Variants in CACNA2D1 observed in about 807,000 individuals in gnomAD.
CACNA2D1 encodes the protein calcium voltage-gated channel auxiliary subunit alpha2delta 1, also known as voltage-dependent calcium channel subunit alpha-2/delta-1.
Under a neutral mutation model 171.5 loss-of-function variants are expected in CACNA2D1, and 53 were observed. The ratio of observed to expected loss-of-function variants is 0.31; its 90% confidence interval spans 0.25 to 0.39. The LOEUF is 0.39. Among genes scored for constraint, CACNA2D1 ranks in the 10% least tolerant of loss-of-function variants. CACNA2D1 has a pLI of 1.00. For synonymous variants in CACNA2D1, 442 were observed against 443.1 expected (o/e 1.00, Z 0.03); for missense variants, 903 against 1,299.8 (o/e 0.69, Z 4.69).
chr7:82,296,047 G>A (rs1176654301), intron 3 of CACNA2D1, among the ~76,000 whole-genome samples: 1 of 151,318 alleles, frequency 6.6e-6, no homozygotes, highest in Non-Finnish European at 1.5e-5. Flanking sequence ...CTCATAGATG[G>A]GAATTGAACA....
chr7:81,973,137 G>C (rs989783519), intron 25 of CACNA2D1, among the ~76,000 whole-genome samples: 1 of 151,936 alleles, frequency 6.6e-6, no homozygotes, highest in Non-Finnish European at 1.5e-5. Flanking sequence ...ACTCATTTTT[G>C]CAAGGAATAT....
At chr7:82,009,956 T>C (rs1014791588) in intron 15 of CACNA2D1, among the ~76,000 whole-genome samples, 1 of 152,040 alleles carries the variant, frequency 6.6e-6, no homozygotes, top group Non-Finnish European at 1.5e-5. Flanking sequence ...TGTCCTAATC[T>C]CCCCTTATTA....
intron 10 of CACNA2D1, among the ~76,000 whole-genome samples, chr7:82,047,812 T>C (rs971622592): frequency 2.6e-5 from 4 of 151,970 alleles, no homozygotes; most frequent in South Asian, 2.1e-4. Context: ...AGAGAAATGA[T>C]AGAAAAAATG....
At chr7:82,239,180 C>T (rs1803958775) in intron 3 of CACNA2D1, among the ~76,000 whole-genome samples, 3 of 151,806 alleles carry the variant, frequency 2.0e-5, no homozygotes, top group Admixed American at 6.6e-5. Context: ...ACTACTATGC[C>T]AAGAAAATAA....
intron 1 of CACNA2D1, among the ~76,000 whole-genome samples, chr7:82,364,946 A>C (rs1821511694): frequency 6.6e-6 from 1 of 152,124 alleles, no homozygotes; most frequent in African/African-American, 2.4e-5. Context: ...AAGCTAGGAA[A>C]CCCAGGGGAA....
chr7:82,004,919 G>A (rs1798973716), intron 18 of CACNA2D1, among the ~76,000 whole-genome samples: 1 of 152,054 alleles, frequency 6.6e-6, no homozygotes, highest in African/African-American at 2.4e-5. Context: ...TCCCATTTCT[G>A]AAGCCCATCA....
chr7:82,323,737 C>T (rs1816286165), intron 3 of CACNA2D1, among the ~76,000 whole-genome samples: 1 of 152,174 alleles, frequency 6.6e-6, no homozygotes, highest in Admixed American at 6.5e-5. Flanking sequence ...CCAACACTCC[C>T]TTTCCCCCAT....
intron 1 of CACNA2D1, among the ~76,000 whole-genome samples, chr7:82,400,624 C>G (rs971855165): frequency 3.2e-4 from 49 of 152,122 alleles, no homozygotes; most frequent in Non-Finnish European, 6.6e-4. Context: ...CTAGGCAATA[C>G]CATTCAGGAC....
chr7:82,418,914 C>A (rs1184655267), intron 1 of CACNA2D1, among the ~76,000 whole-genome samples: 1 of 151,730 alleles, frequency 6.6e-6, no homozygotes, highest in Non-Finnish European at 1.5e-5. Flanking sequence ...GTCAGGAGAT[C>A]GAGATCACGG....
intron 7 of CACNA2D1, among the ~76,000 whole-genome samples, chr7:82,071,724 A>G (rs899871934): frequency 6.6e-6 from 1 of 152,150 alleles, no homozygotes; most frequent in Non-Finnish European, 1.5e-5. Context: ...CCTTCCTTCT[A>G]GTAAGAGTCC....
intron 3 of CACNA2D1, among the ~76,000 whole-genome samples, chr7:82,265,790 A>G (rs1422357351): frequency 1.3e-5 from 2 of 152,114 alleles, no homozygotes; most frequent in Non-Finnish European, 2.9e-5. Context: ...TTGACTTTTC[A>G]ATCATTGCCC....
intron 3 of CACNA2D1, among the ~76,000 whole-genome samples, chr7:82,281,641 T>TA (rs1471262607): frequency 3.3e-5 from 5 of 152,160 alleles, no homozygotes; most frequent in Admixed American, 2.6e-4. Flanking sequence ...ATATTTCTAT[T>TA]AAAAAATAGT....
At chr7:82,033,447 C>T (rs185345158) in intron 11 of CACNA2D1, among the ~76,000 whole-genome samples, 1 of 151,858 alleles carries the variant, frequency 6.6e-6, no homozygotes, top group Non-Finnish European at 1.5e-5. Flanking sequence ...ATAGTATAAA[C>T]AAAAAATAAC....
At chr7:82,171,142 T>C (rs1488924896) in intron 3 of CACNA2D1, among the ~76,000 whole-genome samples, 1 of 152,034 alleles carries the variant, frequency 6.6e-6, no homozygotes, top group Admixed American at 6.6e-5. Context: ...TAATCTTTGA[T>C]AGAGGATTTG....
chr7:82,170,728 T>C (rs1795934315), intron 3 of CACNA2D1, 119 bp from the exon 4 acceptor site: 1 of 869,554 alleles, frequency 1.2e-6, no homozygotes, highest in Admixed American at 1.8e-5. Context: ...ATGATCCTTA[T>C]TTATGATTCA....
chr7:82,443,832 A>G (rs1226553664), upstream of CACNA2D1: 6 of 365,192 alleles, frequency 1.6e-5, no homozygotes, highest in Admixed American at 1.4e-4. Flanking sequence ...GCGAAGGCGG[A>G]GGCGGGGGCG....
intron 1 of CACNA2D1, among the ~76,000 whole-genome samples, chr7:82,375,535 G>A (rs1439941356): frequency 6.6e-6 from 1 of 152,082 alleles, no homozygotes; most frequent in Admixed American, 6.6e-5. Flanking sequence ...CCAGCCCCAT[G>A]GCGCCTCTTT....
chr7:82,145,557 G>A (rs865903385), intron 4 of CACNA2D1, among the ~76,000 whole-genome samples: 23 of 131,168 alleles, frequency 1.8e-4, no homozygotes, highest in Middle Eastern at 6.1e-3. Context: ...ATATATGTGC[G>A]TATATATAAA....
intron 10 of CACNA2D1, among the ~76,000 whole-genome samples, chr7:82,041,404 G>C (rs1025245438): frequency 1.3e-5 from 2 of 152,094 alleles, no homozygotes; most frequent in African/African-American, 4.8e-5. Context: ...GAGCCAGGTG[G>C]TATGTGGATT....
Sources: gnomAD v4.1 joint callset for allele counts (sites outside exome capture counted in the v4.1 genomes callset) on GRCh38, gnomAD v4.1.1 for gene constraint, MANE v1.5 for transcripts, NCBI Gene and HGNC (gene_info 2026-07-23, HGNC 2026-07-21) for gene names.